The following INSYN2B variants were observed in gnomAD, a reference collection of about 807,000 sequenced individuals.
INSYN2B encodes protein INSYN2B.
Under a neutral mutation model 41.2 loss-of-function variants are expected in INSYN2B, and 16 were observed. The observed-to-expected ratio is 0.39, with a 90% CI of 0.26 to 0.59. INSYN2B has a LOEUF of 0.59. INSYN2B is among the 20% of genes least tolerant of loss of function. The pLI, the probability that INSYN2B is intolerant of heterozygous loss-of-function variation, is 0.57. For synonymous variants in INSYN2B, 245 were observed against 244.4 expected, an observed-to-expected ratio of 1.00 and a Z score of -0.02; for missense variants, 608 against 646.4, an observed-to-expected ratio of 0.94 and a Z score of 0.64.
chr5:169,886,193 G>T (rs1772957859), intron 1 of INSYN2B, among the ~76,000 whole-genome samples: 1 of 152,124 alleles, frequency 6.6e-6, no homozygotes, highest in Non-Finnish European at 1.5e-5. Context: ...AACAAAATGA[G>T]CCATCCTGGG....
intron 1 of INSYN2B, among the ~76,000 whole-genome samples, chr5:169,960,556 A>G (rs968173005): frequency 6.6e-6 from 1 of 152,246 alleles, no homozygotes; most frequent in African/African-American, 2.4e-5. Flanking sequence ...TAGGTTTTCA[A>G]GGTGGATTGG....
intron 1 of INSYN2B, among the ~76,000 whole-genome samples, chr5:169,913,375 A>T (rs10516069): frequency 0.082 from 12,472 of 152,090 alleles, 659 homozygotes; most frequent in East Asian, 0.17. Context: ...GCTCCCTAGA[A>T]CCTGTTTATA....
intron 3 of INSYN2B, among the ~76,000 whole-genome samples, chr5:169,876,156 G>T (rs527578422): frequency 2.2e-4 from 34 of 152,088 alleles, no homozygotes; most frequent in Non-Finnish European, 3.8e-4. Flanking sequence ...TGATCCTCTG[G>T]CCTCCCTCTT....
At chr5:169,952,342 G>A (rs1776696331) in intron 1 of INSYN2B, among the ~76,000 whole-genome samples, 1 of 152,106 alleles carries the variant, frequency 6.6e-6, no homozygotes, top group South Asian at 2.1e-4. Context: ...AATCAATGCA[G>A]CATGGTCCTT....
chr5:169,917,165 C>A (rs1160888765), intron 1 of INSYN2B, among the ~76,000 whole-genome samples: 1 of 152,188 alleles, frequency 6.6e-6, no homozygotes, highest in Non-Finnish European at 1.5e-5. Flanking sequence ...AAATTCACAG[C>A]AACCAATCTG....
intron 3 of INSYN2B, among the ~76,000 whole-genome samples, chr5:169,874,774 G>T (rs1448948279): frequency 6.6e-6 from 1 of 152,154 alleles, no homozygotes; most frequent in Non-Finnish European, 1.5e-5. Context: ...AGGCCTGAGG[G>T]ACTGAGAGAG....
chr5:169,881,784 C>A (rs1772669656), intron 2 of INSYN2B, among the ~76,000 whole-genome samples: 1 of 152,166 alleles, frequency 6.6e-6, no homozygotes, highest in Admixed American at 6.5e-5. Flanking sequence ...GTGTTTCTCT[C>A]CTATACGGCA....
At chr5:169,881,982 T>C (rs1190893255) in intron 2 of INSYN2B, among the ~76,000 whole-genome samples, 1 of 152,182 alleles carries the variant, frequency 6.6e-6, no homozygotes, top group Non-Finnish European at 1.5e-5. Context: ...GGAAAGCATT[T>C]TGTGACTTTT....
chr5:169,871,696 G>T (rs1193331884), intron 3 of INSYN2B, among the ~76,000 whole-genome samples: 1 of 152,202 alleles, frequency 6.6e-6, no homozygotes, highest in Non-Finnish European at 1.5e-5. Flanking sequence ...TGCAAAATAT[G>T]TAGGGTGGTG....
intron 1 of INSYN2B, among the ~76,000 whole-genome samples, chr5:169,932,524 T>A (rs1031245214): frequency 2.0e-5 from 3 of 152,186 alleles, no homozygotes; most frequent in African/African-American, 7.2e-5. Flanking sequence ...TCAGGAACAA[T>A]CTGCATGCCT....
chr5:169,898,567 C>A (rs1474296418), intron 1 of INSYN2B, among the ~76,000 whole-genome samples: 1 of 151,616 alleles, frequency 6.6e-6, no homozygotes. Flanking sequence ...ACAACACACA[C>A]CGGATTGCAG....
At chr5:169,973,262 C>T (rs961641630) in intron 1 of INSYN2B, among the ~76,000 whole-genome samples, 1 of 152,178 alleles carries the variant, frequency 6.6e-6, no homozygotes, top group Admixed American at 6.5e-5. Context: ...TAAATCCTCA[C>T]CCACAATGCA....
In INSYN2B at chr5:169,883,658, G is replaced by C. The variant is rs1173475139; in HGVS notation, c.241C>G (p.Leu81Val). 2 of 1,551,128 alleles carry C rather than the reference G, an allele frequency of 1.3e-6. No individual in the cohort carries two copies. Among genetic ancestry groups the C allele is most frequent in the Admixed American group, 3.9e-5 (2 of 50,968 alleles). ...TRHHLPPTYS[L>V]SFPRSQKAGG... The stretch of plus-strand genomic sequence containing the variant: ...GCCTTCTGGGACCTGGGGAAGGAGA[G>C]CGAGTAGGTGGGGGGAAGATGGTGC... The change falls in exon 2 of 4, where the codon CTC becomes GTC. Residue 81 changes from leucine to valine, a missense_variant. Physicochemically the swap from Leu to Val is conservative, Grantham distance 32. Coordinates refer to ENST00000377365, the MANE Select transcript of INSYN2B (RefSeq NM_001129891.3).
At chr5:169,920,847 C>T (rs1256079706) in intron 1 of INSYN2B, among the ~76,000 whole-genome samples, 1 of 126,784 alleles carries the variant, frequency 7.9e-6, no homozygotes, top group Non-Finnish European at 1.6e-5. Flanking sequence ...TTCTGACCTC[C>T]ACCCTAGGAC....
At chr5:169,955,129 T>G (rs560048509) in intron 1 of INSYN2B, among the ~76,000 whole-genome samples, 2 of 152,254 alleles carry the variant, frequency 1.3e-5, no homozygotes, top group East Asian at 3.9e-4. Context: ...GATTCAGGAA[T>G]GATGGAAGCT....
intron 1 of INSYN2B, among the ~76,000 whole-genome samples, chr5:169,923,963 T>C (rs33373): frequency 0.32 from 47,968 of 152,090 alleles, 8,400 homozygotes; most frequent in East Asian, 0.55. Flanking sequence ...AACATTGCGG[T>C]TGGCAAAATG....
At chr5:169,916,055 T>A (rs1389994081) in intron 1 of INSYN2B, among the ~76,000 whole-genome samples, 2 of 152,202 alleles carry the variant, frequency 1.3e-5, no homozygotes, top group Admixed American at 1.3e-4. Context: ...ATTAGAAGTA[T>A]GGGAACTCAG....
chr5:169,935,327 G>A (rs960747469), intron 1 of INSYN2B, among the ~76,000 whole-genome samples: 1 of 152,218 alleles, frequency 6.6e-6, no homozygotes, highest in African/African-American at 2.4e-5. Context: ...CCATGCCTGT[G>A]TAGGGAAACT....
At chr5:169,978,390 T>G (rs113011664) in intron 1 of INSYN2B, among the ~76,000 whole-genome samples, 658 of 16,480 alleles carry the variant, frequency 0.04, 109 homozygotes, top group Non-Finnish European at 0.068. Context: ...TGTGTGTGTG[T>G]GTGGGGGGGG....
Sources: allele counts gnomAD v4.1 joint callset (sites outside exome capture counted in the v4.1 genomes callset), GRCh38; gene constraint gnomAD v4.1.1; transcripts MANE v1.5; gene names NCBI Gene and HGNC (gene_info 2026-07-23, HGNC 2026-07-21).